CNTN6: variants seen among roughly 807,000 people sequenced by gnomAD.
CNTN6 encodes the protein contactin 6.
Under a neutral mutation model 122.8 loss-of-function variants are expected in CNTN6, and 137 were observed. That is an observed-to-expected ratio of 1.12 (90% CI 0.97 to 1.29). The LOEUF (loss-of-function observed/expected upper bound fraction) is 1.29, where lower values mean the gene tolerates loss of function less well. Ranked by LOEUF, CNTN6 falls within the 50% of genes most tolerant of loss-of-function variation. CNTN6 has a pLI of 0.00. For synonymous variants in CNTN6, 570 were observed against 426.0 expected (o/e 1.34, Z -4.16); for missense variants, 1,634 against 1,223.4 (o/e 1.34, Z -5.01).
At chr3:1,353,966 T>C (rs1210633477) in intron 12 of CNTN6, among the ~76,000 whole-genome samples, 1 of 151,428 alleles carries the variant, frequency 6.6e-6, no homozygotes, top group Non-Finnish European at 1.5e-5. Flanking sequence ...GTTTTGCTGT[T>C]AAAATACAAT....
At chr3:1,298,082 A>G (rs764253075) in intron 7 of CNTN6, 91 bp downstream of exon 7, 4 of 846,872 alleles carry the variant, frequency 4.7e-6, no homozygotes, top group Non-Finnish European at 7.4e-6. Flanking sequence ...GCTCTAAGGT[A>G]AATTACCAAG....
intron 12 of CNTN6, among the ~76,000 whole-genome samples, chr3:1,358,539 G>C (rs956186338): frequency 2.0e-5 from 3 of 151,602 alleles, no homozygotes; most frequent in African/African-American, 7.3e-5. Flanking sequence ...TCAGTCTCTG[G>C]ATCCTGAATA....
chr3:1,190,106 A>G lies in CNTN6; in HGVS notation c.56-30581A>G, dbSNP rs1229848144. ...GGTAAGGGCTCTCATTGATTTGCAGACGGCAGCCTTCTCACTGCATCCTCA... is the reference window on the plus strand; with the variant it reads ...GGTAAGGGCTCTCATTGATTTGCAGGCGGCAGCCTTCTCACTGCATCCTCA... On this transcript the variant is annotated intron_variant, in intron 2 of 22. Transcript: ENST00000446702. Among the ~76,000 whole-genome samples the G allele has an allele frequency of 2.0e-5, 3 of 152,260 alleles. No individual in the cohort carries two copies. In the East Asian group the frequency reaches 5.8e-4, roughly 29 times the overall value.
intron 2 of CNTN6, among the ~76,000 whole-genome samples, chr3:1,182,444 T>C (rs1438172389): frequency 6.6e-6 from 1 of 152,176 alleles, no homozygotes; most frequent in African/African-American, 2.4e-5. Flanking sequence ...TGAGCAAGTC[T>C]TGTTAATTCT....
At chr3:1,385,473 A>T in intron 19 of CNTN6, 138 bp from the exon 20 acceptor site, 1 of 592,254 alleles carries the variant, frequency 1.7e-6, no homozygotes, top group Non-Finnish European at 2.8e-6. Flanking sequence ...TAACCATTTT[A>T]ATTAGAAAAC....
intron 2 of CNTN6, among the ~76,000 whole-genome samples, chr3:1,201,129 GT>G (rs1471405074): frequency 2.7e-5 from 4 of 150,878 alleles, no homozygotes; most frequent in Non-Finnish European, 5.9e-5. Flanking sequence ...GTGTGTGTGT[GT>G]GTGTGTGTGT....
chr3:1,112,686 C>T (rs888680940), intron 1 of CNTN6, among the ~76,000 whole-genome samples: 6 of 152,232 alleles, frequency 3.9e-5, no homozygotes, highest in East Asian at 1.9e-4. Flanking sequence ...CTTGCAGACA[C>T]GCCCAAAAAT....
intron 2 of CNTN6, among the ~76,000 whole-genome samples, chr3:1,167,327 G>C (rs1207585433): frequency 6.6e-6 from 1 of 151,778 alleles, no homozygotes; most frequent in African/African-American, 2.4e-5. Flanking sequence ...TTGTACTAGA[G>C]ATCTTTACGG....
chr3:1,164,204 A>G (rs113740574), intron 2 of CNTN6, among the ~76,000 whole-genome samples: 12 of 152,204 alleles, frequency 7.9e-5, no homozygotes, highest in African/African-American at 2.4e-4. Context: ...TGGTGGCACT[A>G]CTGACCAACA....
At chr3:1,214,306 T>TC (rs1290088681) in intron 2 of CNTN6, among the ~76,000 whole-genome samples, 4 of 132,570 alleles carry the variant, frequency 3.0e-5, no homozygotes, top group Non-Finnish European at 4.8e-5. Context: ...GATGTCTTTT[T>TC]TTTTTTTTTT....
chr3:1,337,898 A>G (rs1248567863), intron 11 of CNTN6, among the ~76,000 whole-genome samples: 1 of 151,952 alleles, frequency 6.6e-6, no homozygotes, highest in East Asian at 1.9e-4. Context: ...TTGCCATCCA[A>G]TTCCCCTTTC....
intron 21 of CNTN6, among the ~76,000 whole-genome samples, chr3:1,402,100 A>C (rs1695784236): frequency 6.6e-6 from 1 of 151,526 alleles, no homozygotes; most frequent in Non-Finnish European, 1.5e-5. Context: ...ATAGGGATAA[A>C]TCTACTCTCC....
intron 11 of CNTN6, among the ~76,000 whole-genome samples, chr3:1,350,731 A>G (rs550632258): frequency 1.3e-5 from 2 of 151,980 alleles, no homozygotes; most frequent in East Asian, 3.9e-4. Flanking sequence ...GCCTTTAGAT[A>G]TCAGCAGACC....
At chr3:1,328,275 C>A (rs1374166575) in intron 10 of CNTN6, among the ~76,000 whole-genome samples, 1 of 151,772 alleles carries the variant, frequency 6.6e-6, no homozygotes, top group Non-Finnish European at 1.5e-5. Flanking sequence ...GAGATTAAAG[C>A]AATTTGAGAA....
intron 10 of CNTN6, among the ~76,000 whole-genome samples, chr3:1,328,965 A>G (rs1407013086): frequency 1.3e-5 from 2 of 151,618 alleles, no homozygotes; most frequent in Non-Finnish European, 2.9e-5. Context: ...ATTTATTTCA[A>G]TAGTATTTTA....
At chr3:1,322,563 T>A (rs1230857770) in intron 8 of CNTN6, among the ~76,000 whole-genome samples, 1 of 151,732 alleles carries the variant, frequency 6.6e-6, no homozygotes, top group African/African-American at 2.4e-5. Context: ...AAAGTATTGA[T>A]ATATGGCCAA....
chr3:1,239,437 A>AAACT (rs2094456978), intron 4 of CNTN6, among the ~76,000 whole-genome samples: 1 of 152,080 alleles, frequency 6.6e-6, no homozygotes, highest in South Asian at 2.1e-4. Context: ...AAAAACAAAC[A>AAACT]AACAAACACT....
chr3:1,130,011 A>T (rs1411312537), intron 1 of CNTN6, among the ~76,000 whole-genome samples: 1 of 152,090 alleles, frequency 6.6e-6, no homozygotes, highest in East Asian at 1.9e-4. Context: ...TAGTTTAAAA[A>T]GCAAATCTTT....
At chr3:1,260,779 C>G (rs1395247050) in intron 4 of CNTN6, among the ~76,000 whole-genome samples, 2 of 151,916 alleles carry the variant, frequency 1.3e-5, no homozygotes, top group Non-Finnish European at 2.9e-5. Flanking sequence ...TGCTTGGTAC[C>G]TCTACCTGAT....
Sources: gnomAD v4.1 joint callset for allele counts (sites outside exome capture counted in the v4.1 genomes callset) on GRCh38, gnomAD v4.1.1 for gene constraint, MANE v1.5 for transcripts, NCBI Gene and HGNC (gene_info 2026-07-23, HGNC 2026-07-21) for gene names.